The following FTO variants were observed in gnomAD, a reference collection of about 807,000 sequenced individuals.
FTO encodes the protein FTO alpha-ketoglutarate dependent dioxygenase.
FTO carries 47 observed loss-of-function variants against 63.9 expected under a neutral mutation model. The observed-to-expected ratio is 0.74, with a 90% CI of 0.58 to 0.94. The LOEUF (loss-of-function observed/expected upper bound fraction) is 0.94, where lower values mean the gene tolerates loss of function less well. Among genes scored for constraint, FTO ranks in the 40% least tolerant of loss-of-function variants. The pLI is 0.00. For missense variants in FTO, 562 were observed against 618.1 expected, an observed-to-expected ratio of 0.91 and a Z score of 0.96; for synonymous variants, 207 against 224.4, an observed-to-expected ratio of 0.92 and a Z score of 0.69.
chr16:54,027,820 T>C (rs1482915272), intron 8 of FTO, among the ~76,000 whole-genome samples: 2 of 152,234 alleles, frequency 1.3e-5, no homozygotes, highest in African/African-American at 4.8e-5. Flanking sequence ...TACTCTTGTT[T>C]ATAGTGTATT....
At chr16:53,903,561 G>T (rs1296912665) in intron 7 of FTO, among the ~76,000 whole-genome samples, 1 of 152,128 alleles carries the variant, frequency 6.6e-6, no homozygotes, top group Non-Finnish European at 1.5e-5. Context: ...GCCCAGCTAA[G>T]ATATTCTATG....
At chr16:53,967,148 T>C (rs2083214669) in intron 8 of FTO, among the ~76,000 whole-genome samples, 1 of 152,146 alleles carries the variant, frequency 6.6e-6, no homozygotes, top group Non-Finnish European at 1.5e-5. Flanking sequence ...TCCCCTTTTT[T>C]TGCACGGTGG....
At chr16:53,817,240 C>G (rs1217689966) in intron 2 of FTO, among the ~76,000 whole-genome samples, 1 of 152,126 alleles carries the variant, frequency 6.6e-6, no homozygotes, top group Non-Finnish European at 1.5e-5. Context: ...TGTAGCAAAG[C>G]ACATGTTACC....
intron 1 of FTO, among the ~76,000 whole-genome samples, chr16:53,776,711 A>G (rs990058173): frequency 1.3e-5 from 2 of 152,174 alleles, no homozygotes; most frequent in Non-Finnish European, 2.9e-5. Context: ...CCATTGTTTT[A>G]CTTTTCTGCA....
chr16:53,787,152 A>G (rs1164725233), intron 1 of FTO, among the ~76,000 whole-genome samples: 1 of 148,370 alleles, frequency 6.7e-6, no homozygotes, highest in African/African-American at 2.5e-5. Context: ...AGAAAAAGAA[A>G]CACCATCCTT....
intron 1 of FTO, among the ~76,000 whole-genome samples, chr16:53,778,612 A>G (rs16945088): frequency 0.14 from 21,833 of 152,158 alleles, 2,331 homozygotes; most frequent in African/African-American, 0.3. Context: ...GTAGCTAAAA[A>G]TTCCAAGAGT....
chr16:53,861,467 G>A (rs540814704), intron 4 of FTO, among the ~76,000 whole-genome samples: 31 of 152,048 alleles, frequency 2.0e-4, no homozygotes, highest in Non-Finnish European at 3.8e-4. Context: ...TCTTCTTTCT[G>A]TTATTCATTG....
chr16:53,955,913 G>A (rs1002953091), intron 8 of FTO, among the ~76,000 whole-genome samples: 2 of 152,158 alleles, frequency 1.3e-5, no homozygotes, highest in Non-Finnish European at 1.5e-5. Flanking sequence ...GAAGGCCAAG[G>A]TGGGAGGATT....
At chr16:54,005,113 T>C (rs2084169434) in intron 8 of FTO, among the ~76,000 whole-genome samples, 1 of 149,276 alleles carries the variant, frequency 6.7e-6, no homozygotes, top group East Asian at 1.9e-4. Context: ...TGGAGTACCT[T>C]AGCATTATGG....
intron 8 of FTO, among the ~76,000 whole-genome samples, chr16:54,079,294 G>A (rs1216246744): frequency 1.3e-5 from 2 of 152,138 alleles, no homozygotes; most frequent in African/African-American, 4.8e-5. Flanking sequence ...AGCACAGGAT[G>A]GCCAAACCAA....
At chr16:53,719,885 ATT>A (rs1295225064) in intron 1 of FTO, among the ~76,000 whole-genome samples, 4 of 152,044 alleles carry the variant, frequency 2.6e-5, no homozygotes, top group African/African-American at 9.7e-5. Context: ...CTTATTCAGT[ATT>A]CTAATGATTT....
chr16:53,746,438 A>G (rs1437627253), intron 1 of FTO, among the ~76,000 whole-genome samples: 1 of 152,184 alleles, frequency 6.6e-6, no homozygotes, highest in Non-Finnish European at 1.5e-5. Flanking sequence ...TTGGGGGTTT[A>G]TTTATTACCA....
At chr16:53,889,430 G>T in intron 7 of FTO, among the ~76,000 whole-genome samples, 1 of 152,194 alleles carries the variant, frequency 6.6e-6, no homozygotes, top group South Asian at 2.1e-4. Context: ...CAGGCAGGCT[G>T]GCTCCACAGC....
At chr16:53,733,646 A>G (rs1389812236) in intron 1 of FTO, among the ~76,000 whole-genome samples, 1 of 152,204 alleles carries the variant, frequency 6.6e-6, no homozygotes, top group Non-Finnish European at 1.5e-5. Context: ...GGCTTTTTTA[A>G]GAGAGTAATT....
chr16:53,950,073 T>A (rs927569930), intron 8 of FTO, among the ~76,000 whole-genome samples: 3 of 22,970 alleles, frequency 1.3e-4, no homozygotes, highest in Admixed American at 1.3e-3. Context: ...TATTTAAACA[T>A]TTTTTTTTTT....
Position 53,735,483 on chromosome 16 carries a change from C to T in FTO, c.45+31254C>T, listed in dbSNP as rs767899293. On this transcript the variant is annotated intron_variant, in intron 1 of 8. Coordinates refer to ENST00000471389, the MANE Select transcript of FTO (RefSeq NM_001080432.3). ...AGGGAGGGCCTCTTGGAGGAGGCTACATCCTCGCTGACTCCAGAGACACAG... is the reference window on the plus strand; with the variant it reads ...AGGGAGGGCCTCTTGGAGGAGGCTATATCCTCGCTGACTCCAGAGACACAG... Among the ~76,000 whole-genome samples, 19 of 152,306 alleles carry T rather than the reference C, an allele frequency of 1.2e-4. No individual in the cohort carries two copies. The East Asian group carries it at 1.7e-3, about 14-fold the overall frequency.
chr16:54,052,820 C>A (rs1387393460), intron 8 of FTO, among the ~76,000 whole-genome samples: 3 of 152,118 alleles, frequency 2.0e-5, no homozygotes, highest in Non-Finnish European at 4.4e-5. Context: ...CTGCCTCAGC[C>A]TCCTGAGTAG....
intron 8 of FTO, among the ~76,000 whole-genome samples, chr16:54,080,311 G>A (rs1442673040): frequency 6.6e-6 from 1 of 152,108 alleles, no homozygotes; most frequent in Non-Finnish European, 1.5e-5. Context: ...CAGACACCAA[G>A]CTCCTCAGAA....
chr16:53,987,278 C>T (rs574319516), intron 8 of FTO, among the ~76,000 whole-genome samples: 13 of 152,058 alleles, frequency 8.5e-5, no homozygotes, highest in African/African-American at 2.7e-4. Flanking sequence ...TATCTGGATA[C>T]GGTGTTTAAA....
Sources: gnomAD v4.1 joint callset for allele counts (sites outside exome capture counted in the v4.1 genomes callset) on GRCh38, gnomAD v4.1.1 for gene constraint, MANE v1.5 for transcripts, NCBI Gene and HGNC (gene_info 2026-07-23, HGNC 2026-07-21) for gene names.